FER: variants seen among roughly 807,000 people sequenced by gnomAD.
FER encodes the protein FER tyrosine kinase.
Under a neutral mutation model 111.0 loss-of-function variants are expected in FER, and 63 were observed. The observed-to-expected ratio is 0.57, with a 90% CI of 0.46 to 0.70. The LOEUF (loss-of-function observed/expected upper bound fraction) is 0.70, where lower values mean the gene tolerates loss of function less well. Ranked by LOEUF, FER falls within the 30% of genes least tolerant of loss-of-function variation. The pLI is 0.00. For missense variants in FER, 914 were observed against 954.0 expected, an observed-to-expected ratio of 0.96 and a Z score of 0.55; for synonymous variants, 327 against 313.9, an observed-to-expected ratio of 1.04 and a Z score of -0.44.
At chr5:108,776,640 C>T (rs1314344287) in intron 2 of FER, among the ~76,000 whole-genome samples, 1 of 152,058 alleles carries the variant, frequency 6.6e-6, no homozygotes, top group African/African-American at 2.4e-5. Flanking sequence ...TAATAACTTC[C>T]ATTTCTGTTT....
intron 13 of FER, among the ~76,000 whole-genome samples, chr5:109,013,392 C>G (rs887824589): frequency 1.3e-5 from 2 of 151,846 alleles, no homozygotes; most frequent in African/African-American, 4.8e-5. Context: ...ATCCATGTCC[C>G]TACAGAGGAC....
At chr5:109,051,856 C>A (rs1313663197) in intron 16 of FER, 18 of 1,582,688 alleles carry the variant, frequency 1.1e-5, no homozygotes, top group Non-Finnish European at 1.4e-5. Flanking sequence ...CTCCATGGGG[C>A]AAGAGAGGAA....
At chr5:109,050,329 A>T (rs879655364) in intron 16 of FER, among the ~76,000 whole-genome samples, 9 of 152,194 alleles carry the variant, frequency 5.9e-5, no homozygotes, top group Non-Finnish European at 1.3e-4. Flanking sequence ...TATAATGTAA[A>T]CACCGTATTG....
chr5:109,057,923 GA>G (rs764760527), intron 16 of FER, among the ~76,000 whole-genome samples: 3 of 152,176 alleles, frequency 2.0e-5, no homozygotes, highest in South Asian at 2.1e-4. Context: ...AACATTACAG[GA>G]AAAGAAAACT....
intron 1 of FER, among the ~76,000 whole-genome samples, chr5:108,751,883 C>T (rs1174621429): frequency 6.6e-6 from 1 of 151,966 alleles, no homozygotes; most frequent in Non-Finnish European, 1.5e-5. Flanking sequence ...TTTTTCTATA[C>T]CCGAGAAATT....
chr5:109,050,197 T>TA (rs57413180), intron 16 of FER, among the ~76,000 whole-genome samples: 28,483 of 150,742 alleles, frequency 0.19, 2,847 homozygotes, highest in Non-Finnish European at 0.22. Flanking sequence ...TGCTATATCC[T>TA]AAAAAAAAGA....
At chr5:108,936,880 A>G (rs146930951) in intron 10 of FER, among the ~76,000 whole-genome samples, 84 of 152,060 alleles carry the variant, frequency 5.5e-4, no homozygotes, top group African/African-American at 1.9e-3. Context: ...ATATCTTTTA[A>G]CTCCCAAGAT....
intron 13 of FER, among the ~76,000 whole-genome samples, chr5:109,000,209 C>T (rs1043102828): frequency 1.3e-5 from 2 of 150,930 alleles, no homozygotes; most frequent in African/African-American, 4.9e-5. Context: ...ATGGAAGAAC[C>T]ATAGTTTATA....
intron 3 of FER, among the ~76,000 whole-genome samples, chr5:108,827,213 C>T (rs1759563479): frequency 6.6e-6 from 1 of 152,086 alleles, no homozygotes; most frequent in South Asian, 2.1e-4. Flanking sequence ...GGAAAATCTT[C>T]AACACTTTTG....
chr5:108,835,151 A>T (rs767336220), intron 4 of FER, among the ~76,000 whole-genome samples: 9 of 145,478 alleles, frequency 6.2e-5, no homozygotes, highest in Admixed American at 1.4e-4. Context: ...TTTAAATTTT[A>T]GATAATGGCA....
chr5:109,100,465 C>T lies in FER; in HGVS notation c.1994C>T (p.Ser665Leu). ...ELKLKQLVKF[S>L]LDAAAGMLYL... ...AAACTCAAACAGTTAGTGAAATTTT[C>T]ATTAGACGCTGCTGCTGGTATGTTG... Residue 665 changes from serine (S) to leucine (L), a missense_variant, in exon 17 of 20, where the codon TCA (serine) becomes TTA (leucine). Ser to Leu is a moderately radical substitution (Grantham distance 145). Transcript: ENST00000281092. 1 of 1,611,434 alleles carries T rather than the reference C, an allele frequency of 6.2e-7. No homozygotes were observed. The highest frequency in any genetic ancestry group is 1.3e-5 in the African/African-American group (1 of 74,896).
intron 16 of FER, among the ~76,000 whole-genome samples, chr5:109,077,821 A>C (rs998814212): frequency 3.3e-5 from 5 of 152,198 alleles, no homozygotes; most frequent in African/African-American, 9.6e-5. Flanking sequence ...AATGTTTTTA[A>C]ATTGGACAAA....
chr5:108,749,444 G>C (rs1385830812), intron 1 of FER, among the ~76,000 whole-genome samples: 3 of 152,046 alleles, frequency 2.0e-5, no homozygotes, highest in Admixed American at 2.0e-4. Context: ...ACCCAATCTT[G>C]CCTGTACCCT....
chr5:109,095,473 A>C (rs1747384558), intron 16 of FER, among the ~76,000 whole-genome samples: 1 of 151,996 alleles, frequency 6.6e-6, no homozygotes, highest in Non-Finnish European at 1.5e-5. Context: ...CTCCTGGCTA[A>C]TCTCCCTTTC....
chr5:108,924,904 T>G (rs1369877987), intron 10 of FER: 1 of 829,766 alleles, frequency 1.2e-6, no homozygotes, highest in East Asian at 3.4e-5. Context: ...TAATTTCTCT[T>G]GACTTCTGAA....
At chr5:109,173,499 A>G (rs1187666502) in intron 17 of FER, among the ~76,000 whole-genome samples, 4 of 152,226 alleles carry the variant, frequency 2.6e-5, no homozygotes, top group Admixed American at 2.0e-4. Flanking sequence ...AAATTTTTTT[A>G]TAAGTTATGT....
chr5:109,077,751 T>C (rs1296347384), intron 16 of FER, among the ~76,000 whole-genome samples: 1 of 152,162 alleles, frequency 6.6e-6, no homozygotes, highest in Non-Finnish European at 1.5e-5. Flanking sequence ...GCCAACCATA[T>C]TAAGGAACAA....
rs758656251 is a variant in FER at position 109,196,094 on chromosome 5, C to T, written c.*8519C>T. 6.6e-6 allele frequency: 1 copy of T among 152,198 alleles called. No homozygotes were observed. Among genetic ancestry groups the T allele is most frequent in the Non-Finnish European group, 1.5e-5 (1 of 68,076 alleles). The allele number at this position is 152,198 out of a possible 1,614,324, so 9.4% of individuals were successfully genotyped here. On this transcript the variant is annotated 3_prime_UTR_variant, in exon 20 of 20. Coordinates refer to ENST00000281092, the MANE Select transcript of FER (RefSeq NM_005246.4). ...AAGTTGTCAAAGTTCCAGCAACAGC[C>T]CTGACTTCTTCAGGAATCCAAGCAA...
chr5:108,931,241 A>G (rs975095128), intron 10 of FER, among the ~76,000 whole-genome samples: 1 of 152,142 alleles, frequency 6.6e-6, no homozygotes, highest in African/African-American at 2.4e-5. Flanking sequence ...AGAGACTTCA[A>G]ATGGTATATT....
Sources: allele counts gnomAD v4.1 joint callset (sites outside exome capture counted in the v4.1 genomes callset), GRCh38; gene constraint gnomAD v4.1.1; transcripts MANE v1.5; gene names NCBI Gene and HGNC (gene_info 2026-07-23, HGNC 2026-07-21).